Variants in PRKAG3 observed in about 807,000 individuals in gnomAD.
PRKAG3 encodes the protein 5'-AMP-activated protein kinase subunit gamma-3.
A neutral mutation model predicts 56.5 loss-of-function variants in PRKAG3; 39 were observed. The observed-to-expected ratio is 0.69, with a 90% CI of 0.53 to 0.90. The LOEUF (loss-of-function observed/expected upper bound fraction) is 0.90, where lower values mean the gene tolerates loss of function less well. Among genes scored for constraint, PRKAG3 ranks in the 40% least tolerant of loss-of-function variants. The pLI, the probability that PRKAG3 is intolerant of heterozygous loss-of-function variation, is 0.00. For synonymous variants in PRKAG3, 243 were observed against 250.1 expected, an observed-to-expected ratio of 0.97 and a Z score of 0.27; for missense variants, 628 against 627.5, an observed-to-expected ratio of 1.00 and a Z score of -0.01.
chr2:218,823,496 A>T, exon 13 of PRKAG3: 1 of 519,614 alleles, frequency 1.9e-6, no homozygotes, highest in Non-Finnish European at 3.3e-6. Flanking sequence ...AATGGGACAA[A>T]GTGGGGACCT....
At chr2:218,826,996 G>A (rs769144503) in exon 10 of PRKAG3, 4 of 1,614,158 alleles carry the variant, frequency 2.5e-6, no homozygotes, top group Non-Finnish European at 3.4e-6. Context: ...AGTCAGGATG[G>A]GTGCTGTCTC....
chr2:218,829,954 G>T, intron 4 of PRKAG3, 24 bp downstream of exon 4: 1 of 1,608,360 alleles, frequency 6.2e-7, no homozygotes. Context: ...AGTGAGTACA[G>T]GTTGGGCAGA....
chr2:218,831,449 G>T, intron 1 of PRKAG3, 74 bp from the exon 2 acceptor site: 3 of 1,352,318 alleles, frequency 2.2e-6, no homozygotes, highest in Non-Finnish European at 2.0e-6. Flanking sequence ...CTGAACACAC[G>T]CCTACACACC....
rs763602521 is a variant in PRKAG3, at chr2:218,823,894, G to A, written c.1354-16C>T. 6.8e-6 allele frequency: 11 copies of A among 1,609,688 alleles called. No individual in the cohort carries two copies. The highest frequency in any genetic ancestry group is 3.3e-5 in the Admixed American group (2 of 60,002). ...GCCTGTGTACCTGTGGGTCCGCAAT[G>A]TTCAGTGAGGGGGCAGAGCCATGGG... On this transcript the variant is annotated splice_polypyrimidine_tract_variant and intron_variant, in intron 12 of 12. Coordinates refer to ENST00000529249, the Ensembl canonical transcript of PRKAG3.
At chr2:218,823,179 C>G, downstream of PRKAG3, 1 of 522,834 alleles carries the variant, frequency 1.9e-6, no homozygotes, top group Non-Finnish European at 2.5e-6. Flanking sequence ...GAATCTGTGC[C>G]CATCCTCTGC....
At chr2:218,823,962 C>G in intron 12 of PRKAG3, 84 bp from the exon 13 acceptor site, 1 of 1,387,420 alleles carries the variant, frequency 7.2e-7, no homozygotes, top group Non-Finnish European at 1.0e-6. Context: ...TCAGGGGAAA[C>G]AACCCAACAT....
At chr2:218,831,191 G>A (rs1468500295) in intron 2 of PRKAG3, 145 bp downstream of exon 2, 1 of 725,500 alleles carries the variant, frequency 1.4e-6, no homozygotes, top group Non-Finnish European at 2.3e-6. Context: ...AAACACACCT[G>A]GGGAAAGGAG....
At chr2:218,823,675 G>T in exon 13 of PRKAG3, 1 of 1,603,836 alleles carries the variant, frequency 6.2e-7, no homozygotes, top group Non-Finnish European at 8.5e-7. Flanking sequence ...GCAAATGGGG[G>T]TGGGGGAAGA....
chr2:218,826,513 A>T, intron 10 of PRKAG3: 1 of 255,564 alleles, frequency 3.9e-6, no homozygotes, highest in Non-Finnish European at 7.8e-6. Flanking sequence ...TTGGAGTGTC[A>T]CTGTATGTAA....
At chr2:218,825,271 G>A (rs1422262279) in intron 10 of PRKAG3, among the ~76,000 whole-genome samples, 1 of 151,464 alleles carries the variant, frequency 6.6e-6, no homozygotes, top group Non-Finnish European at 1.5e-5. Context: ...GGGAGGTGGA[G>A]GTTGCAGTGA....
At chr2:218,822,862 C>T (rs185139553), downstream of PRKAG3, 152 of 983,544 alleles carry the variant, frequency 1.5e-4, no homozygotes, top group Middle Eastern at 5.2e-4. Flanking sequence ...CCTGACTAAA[C>T]CCACTGGGGC....
rs773250227 is a variant in PRKAG3 at position 218,827,353 on chromosome 2, G to A, written c.896C>T (p.Thr299Ile). 3.1e-6 allele frequency: 5 copies of A among 1,614,154 alleles called. No homozygotes were observed. Among genetic ancestry groups the A allele is most frequent in the South Asian group, 1.1e-5 (1 of 91,070 alleles). The change falls in exon 9 of 13, where the codon ACC becomes ATC. Residue 299 changes from threonine (T) to isoleucine (I), a missense_variant. Coordinates refer to ENST00000529249, the Ensembl canonical transcript of PRKAG3. The surrounding 1 kb of genome is among the most constrained non-coding windows in gnomAD (Gnocchi z 5.3). ...GCGATGGATCCGGTTCTTGATGAGGGTGTAGACAGCTTCAAACAGGCTGCA... is the reference window on the plus strand; with the variant it reads ...GCGATGGATCCGGTTCTTGATGAGGATGTAGACAGCTTCAAACAGGCTGCA...
exon 13 of PRKAG3, chr2:218,823,422 G>T (rs766817733): frequency 1.1e-5 from 4 of 360,266 alleles, no homozygotes; most frequent in Non-Finnish European, 2.1e-5. Flanking sequence ...TCACATCGCA[G>T]CCTTAGCTTT....
chr2:218,827,068 A>G lies in PRKAG3; in HGVS notation c.1028T>C (p.Phe343Ser). ...CAAATCTTGGATAGTGCGGTAGAGG[A>G]AGGAGGGCCGGGGCAGCAGGGAACC... The change falls in exon 10 of 13, where the codon TTC becomes TCC. Residue 343 changes from phenylalanine (F) to serine (S), a missense_variant. Phe to Ser is a radical substitution (Grantham distance 155). Coordinates refer to ENST00000529249, the Ensembl canonical transcript of PRKAG3. The surrounding 1 kb of genome is among the most constrained non-coding windows in gnomAD (Gnocchi z 5.3). The G allele has an allele frequency of 6.2e-7, 1 of 1,613,542 alleles. No homozygotes were observed. Among genetic ancestry groups the G allele is most frequent in the Non-Finnish European group, 8.5e-7 (1 of 1,180,026 alleles).
exon 4 of PRKAG3, chr2:218,829,987 G>T: frequency 1.9e-6 from 3 of 1,613,462 alleles, no homozygotes; most frequent in Non-Finnish European, 2.5e-6. Flanking sequence ...CCTCCAGCAT[G>T]GTGTCGAAGA....
intron 4 of PRKAG3, among the ~76,000 whole-genome samples, 163 bp downstream of exon 4, chr2:218,829,815 A>G (rs1943990755): frequency 6.6e-6 from 1 of 152,284 alleles, no homozygotes; most frequent in South Asian, 2.1e-4. Flanking sequence ...AGAGAGTAGA[A>G]GCTGTCCCTC....
At chr2:218,822,954 A>G, downstream of PRKAG3, 1 of 985,796 alleles carries the variant, frequency 1.0e-6, no homozygotes, top group Non-Finnish European at 1.2e-6. Flanking sequence ...CCTCTGGTTC[A>G]GGGACCTCCA....
chr2:218,828,390 A>G (rs1575212340), intron 5 of PRKAG3, 129 bp downstream of exon 5: 1 of 1,029,258 alleles, frequency 9.7e-7, no homozygotes, highest in African/African-American at 1.6e-5. Context: ...ACTTTCCTCC[A>G]CCCTGGCCCC....
At chr2:218,829,895 G>A in intron 4 of PRKAG3, 83 bp downstream of exon 4, 1 of 1,563,786 alleles carries the variant, frequency 6.4e-7, no homozygotes, top group Non-Finnish European at 8.7e-7. Context: ...TGGCTCAGCA[G>A]GGCATCCTGC....
Sources: allele counts gnomAD v4.1 joint callset (sites outside exome capture counted in the v4.1 genomes callset), GRCh38; gene constraint gnomAD v4.1.1; non-coding constraint Gnocchi (gnomAD v3.1); transcripts MANE v1.5; gene names NCBI Gene and HGNC (gene_info 2026-07-23, HGNC 2026-07-21).